Variants in NTNG2 observed in about 807,000 individuals in gnomAD.
NTNG2 encodes netrin G2, also known as netrin-G2.
In NTNG2, 15 loss-of-function variants were observed where a neutral mutation model predicts 47.6. The observed-to-expected ratio is 0.32, with a 90% CI of 0.21 to 0.49. The LOEUF (loss-of-function observed/expected upper bound fraction) is 0.49, where lower values mean the gene tolerates loss of function less well. Among genes scored for constraint, NTNG2 ranks in the 20% least tolerant of loss-of-function variants. The pLI, the probability that NTNG2 is intolerant of heterozygous loss-of-function variation, is 0.99. For synonymous variants in NTNG2, 307 were observed against 324.6 expected, an observed-to-expected ratio of 0.95 and a Z score of 0.58; for missense variants, 578 against 764.6, an observed-to-expected ratio of 0.76 and a Z score of 2.88.
Position 132,208,635 on chromosome 9 carries a change from G to C in NTNG2, c.857+10026G>C, listed in dbSNP as rs1839352186. On this transcript the variant is annotated intron_variant, in intron 3 of 7. Coordinates refer to ENST00000393229, the MANE Select transcript of NTNG2 (RefSeq NM_032536.4). This position sits in a 1 kb window ranked among gnomAD's most constrained non-coding sequence, Gnocchi z 4.0. ...TGGGAGGCATCATGGAGGACTCCCA[G>C]GCATCTGGCTTTGAGACACTGGGTG... Among the ~76,000 whole-genome samples the C allele has an allele frequency of 6.6e-6, 1 of 152,174 alleles. No homozygotes were observed. Among genetic ancestry groups the C allele is most frequent in the Non-Finnish European group, 1.5e-5 (1 of 68,018 alleles).
At chr9:132,201,118 A>G (rs982294909) in intron 3 of NTNG2, among the ~76,000 whole-genome samples, 2 of 152,214 alleles carry the variant, frequency 1.3e-5, no homozygotes, top group African/African-American at 4.8e-5. Flanking sequence ...TGGGGCCCTC[A>G]TGTCTGGGCC....
chr9:132,189,068 C>CTTTTTTTTTGTTTTTTTTTTTTTTTTT (rs1837642041), intron 2 of NTNG2, among the ~76,000 whole-genome samples: 1 of 93,232 alleles, frequency 1.1e-5, no homozygotes, highest in African/African-American at 4.6e-5. Context: ...TTAAGCCTTT[C>CTTTTTTTTTGTTTTTTTTTTTTTTTTT]TTTTTTTTTT....
intron 2 of NTNG2, among the ~76,000 whole-genome samples, chr9:132,181,198 T>C (rs10118240): frequency 0.4 from 60,259 of 151,736 alleles, 14,544 homozygotes; most frequent in African/African-American, 0.68. Flanking sequence ...ATCCTCCCAC[T>C]TCAGCCTCCT....
chr9:132,207,346 G>A (rs951650045), intron 3 of NTNG2, among the ~76,000 whole-genome samples: 2 of 152,180 alleles, frequency 1.3e-5, no homozygotes, highest in Non-Finnish European at 2.9e-5. Flanking sequence ...AGGGGAATCT[G>A]TCCCATACCC....
intron 3 of NTNG2, among the ~76,000 whole-genome samples, chr9:132,207,677 G>T (rs546579021): frequency 6.6e-6 from 1 of 152,280 alleles, no homozygotes; most frequent in African/African-American, 2.4e-5. Flanking sequence ...CCCACAGCAG[G>T]CACCTATGAC....
At chr9:132,176,829 T>G (rs1836496884) in intron 2 of NTNG2, among the ~76,000 whole-genome samples, 1 of 152,244 alleles carries the variant, frequency 6.6e-6, no homozygotes. Flanking sequence ...GAATGCCAGT[T>G]TCTCCGAATC....
chr9:132,237,141 T>C (rs1244220618), intron 5 of NTNG2, among the ~76,000 whole-genome samples: 1 of 152,202 alleles, frequency 6.6e-6, no homozygotes, highest in Non-Finnish European at 1.5e-5. Context: ...TCCAGCCAGA[T>C]GTGTCCATGG....
In NTNG2 at chr9:132,240,992, C is replaced by A. The variant is rs1348600079; in HGVS notation, c.1305C>A (p.Gly435=). The change falls in exon 7 of 8, where the codon GGC becomes GGA. Residue 435 remains glycine, a synonymous_variant. Transcript: ENST00000393229. ...GFCECREGAA[G]PKCDDCLPTH... The stretch of plus-strand genomic sequence containing the variant: ...GCGAGTGCCGCGAGGGCGCGGCGGG[C>A]CCCAAGTGCGACGACTGCCTCCCCA... 4 of 1,610,366 alleles carry A rather than the reference C, an allele frequency of 2.5e-6. No individual in the cohort carries two copies. The South Asian group carries it at 4.4e-5, about 18-fold the overall frequency.
intron 2 of NTNG2, among the ~76,000 whole-genome samples, chr9:132,179,018 A>G (rs1459488799): frequency 2.0e-5 from 3 of 149,704 alleles, no homozygotes; most frequent in East Asian, 2.0e-4. Context: ...CTCATTTCCT[A>G]TGAAGGAGAA....
intron 6 of NTNG2, chr9:132,240,500 T>C: frequency 3.5e-6 from 1 of 288,562 alleles, no homozygotes; most frequent in Non-Finnish European, 6.7e-6. Flanking sequence ...GCAAAGGAGC[T>C]ATGGAGGGGG....
intron 5 of NTNG2, among the ~76,000 whole-genome samples, chr9:132,238,786 A>G (rs1281985542): frequency 2.0e-5 from 3 of 152,222 alleles, no homozygotes; most frequent in Non-Finnish European, 4.4e-5. Context: ...GGCATCCTTC[A>G]GCGAGCGCTT....
intron 5 of NTNG2, 22 bp downstream of exon 5, chr9:132,230,617 G>A: frequency 6.2e-7 from 1 of 1,602,686 alleles, no homozygotes. Context: ...CCTGGGGAGG[G>A]TGGCCAGGGC....
At chr9:132,232,408 C>T in intron 5 of NTNG2, 1 of 152,568 alleles carries the variant, frequency 6.6e-6, no homozygotes. Flanking sequence ...CAAGGCCAGG[C>T]CAGGGCCAGA....
Position 132,221,141 on chromosome 9 carries a change from G to A in NTNG2, c.858-5708G>A, listed in dbSNP as rs1362255339. Among the ~76,000 whole-genome samples, 1 of 152,090 alleles carries A rather than the reference G, an allele frequency of 6.6e-6. No homozygotes were observed. Among genetic ancestry groups the A allele is most frequent in the African/African-American group, 2.4e-5 (1 of 41,418 alleles). ...GTAGCAGGGGCTGATTTGAGGTAGG[G>A]GTTGTGAAAGGCCTCCCCAAAGAAG... On this transcript the variant is annotated intron_variant, in intron 3 of 7. Transcript: ENST00000393229. The surrounding 1 kb of genome is among the most constrained non-coding windows in gnomAD (Gnocchi z 4.2).
intron 2 of NTNG2, among the ~76,000 whole-genome samples, chr9:132,196,907 C>T (rs1167920856): frequency 1.3e-5 from 2 of 152,206 alleles, no homozygotes; most frequent in Non-Finnish European, 2.9e-5. Context: ...ACCCCTCCCT[C>T]AGGTTTGATA....
At position 132,221,854 on chromosome 9, in the gene NTNG2, C is replaced by T. The variant is rs1185446224; in HGVS notation, c.858-4995C>T. On this transcript the variant is annotated intron_variant, in intron 3 of 7. Transcript: ENST00000393229. The surrounding 1 kb of genome is among the most constrained non-coding windows in gnomAD (Gnocchi z 4.2). The stretch of plus-strand genomic sequence containing the variant: ...ACTGTTACAATATGCTTCTTGGATT[C>T]GGCCGGTCTTCTATGCATCTTTACT... Among the ~76,000 whole-genome samples the T allele has an allele frequency of 5.3e-5, 8 of 152,350 alleles. No individual in the cohort carries two copies. The highest frequency in any genetic ancestry group is 7.3e-5 in the Non-Finnish European group (5 of 68,046).
At position 132,163,024 on chromosome 9, in the gene NTNG2, C is replaced by T. The variant is rs1452535970; in HGVS notation, c.-484+785C>T. Among the ~76,000 whole-genome samples, 1 of 152,110 alleles carries T rather than the reference C, an allele frequency of 6.6e-6. No individual in the cohort carries two copies. Among genetic ancestry groups the T allele is most frequent in the African/African-American group, 2.4e-5 (1 of 41,418 alleles). ...GCGGCGGCGGCCGGGTCGCCACAGG[C>T]GGCAGCGCCGGGGCAAAGGATACAG... is the stretch of plus-strand genomic sequence containing the variant. On this transcript the variant is annotated intron_variant, in intron 1 of 7. Coordinates refer to ENST00000393229, the MANE Select transcript of NTNG2 (RefSeq NM_032536.4). This position sits in a 1 kb window ranked among gnomAD's most constrained non-coding sequence, Gnocchi z 7.2.
Position 132,222,073 on chromosome 9 carries a change from G to A in NTNG2, c.858-4776G>A, listed in dbSNP as rs1273507338. On this transcript the variant is annotated intron_variant, in intron 3 of 7. Transcript: ENST00000393229. ...GAAGTTGCGAATTAAAACCTCCCCAGGTCAGATTTTGCAGACAAACTCTTG... is the reference window on the plus strand; with the variant it reads ...GAAGTTGCGAATTAAAACCTCCCCAAGTCAGATTTTGCAGACAAACTCTTG... 3.3e-5 allele frequency among the ~76,000 whole-genome samples: 5 copies of A among 152,170 alleles called. No homozygotes were observed. In the East Asian group the frequency reaches 7.7e-4, roughly 23 times the overall value.
rs886188269 is a variant in NTNG2, at chr9:132,180,509, C to T, written c.213+13465C>T. ...TTGCCCACAGTTCTGGGGCTGGCAC[C>T]GTCCTGGGGCTCAGCTCCTAGGGAC... On this transcript the variant is annotated intron_variant, in intron 2 of 7. Transcript: ENST00000393229. This position sits in a 1 kb window ranked among gnomAD's most constrained non-coding sequence, Gnocchi z 4.2. Among the ~76,000 whole-genome samples, 1 of 152,240 alleles carries T rather than the reference C, an allele frequency of 6.6e-6. No homozygotes were observed. Among genetic ancestry groups the T allele is most frequent in the African/African-American group, 2.4e-5 (1 of 41,466 alleles).
Sources: allele counts gnomAD v4.1 joint callset (sites outside exome capture counted in the v4.1 genomes callset), GRCh38; gene constraint gnomAD v4.1.1; non-coding constraint Gnocchi (gnomAD v3.1); transcripts MANE v1.5; gene names NCBI Gene and HGNC (gene_info 2026-07-23, HGNC 2026-07-21).